Variants in ASAH1 observed in about 807,000 individuals in gnomAD.
The protein encoded by ASAH1 is N-acylsphingosine amidohydrolase 1.
ASAH1 carries 70 observed loss-of-function variants against 59.5 expected under a neutral mutation model. The observed-to-expected ratio is 1.18, with a 90% confidence interval of 0.97 to 1.43. ASAH1 has a LOEUF of 1.43. Ranked by LOEUF, ASAH1 falls within the 40% of genes most tolerant of loss-of-function variation. The probability of loss-of-function intolerance (pLI) is 0.00; values close to 1 mark genes in which losing one functional copy is unlikely to be tolerated. For missense variants in ASAH1, 660 were observed against 482.5 expected (o/e 1.37, Z -3.45); for synonymous variants, 213 against 166.5 (o/e 1.28, Z -2.15).
intron 5 of ASAH1, 95 bp downstream of exon 5, chr8:18,067,125 A>ATACAGCACCTGTGCTGTATATCTAAGACG: frequency 5.3e-6 from 3 of 567,526 alleles, no homozygotes; most frequent in Non-Finnish European, 4.8e-6. Flanking sequence ...TATCTAAGAC[A>ATACAGCACCTGTGCTGTATATCTAAGACG]TACAGCACCT....
chr8:18,074,154 T>C (rs1198734164), intron 2 of ASAH1, among the ~76,000 whole-genome samples: 2 of 152,184 alleles, frequency 1.3e-5, no homozygotes, highest in Non-Finnish European at 2.9e-5. Context: ...TCATTAAATG[T>C]TCAATGAATT....
At chr8:18,061,927 G>A (rs895001692) in intron 8 of ASAH1, 187 bp from the exon 9 acceptor site, 3 of 667,630 alleles carry the variant, frequency 4.5e-6, no homozygotes, top group Admixed American at 2.5e-5. Flanking sequence ...TGTGAGATAA[G>A]TAGGTGGGGT....
At chr8:18,084,789 T>C (rs765791144), upstream of ASAH1, 6 of 1,613,480 alleles carry the variant, frequency 3.7e-6, no homozygotes, top group South Asian at 4.4e-5. Flanking sequence ...CCCAGCCCGA[T>C]GCAGCAGTTC....
intron 1 of ASAH1, among the ~76,000 whole-genome samples, chr8:18,080,622 A>G (rs1441126194): frequency 1.3e-5 from 2 of 152,100 alleles, no homozygotes; most frequent in African/African-American, 4.8e-5. Context: ...CAATGGCAGG[A>G]TCTTGGCTCA....
At chr8:18,076,021 C>A (rs1800388512) in intron 1 of ASAH1, 1 of 249,666 alleles carries the variant, frequency 4.0e-6, no homozygotes. Flanking sequence ...CAGCACAGGG[C>A]CCTTCATCAT....
chr8:18,075,861 T>G, intron 1 of ASAH1: 1 of 478,968 alleles, frequency 2.1e-6, no homozygotes. Context: ...CGAACAAATG[T>G]AACAAAGTAG....
intron 2 of ASAH1, among the ~76,000 whole-genome samples, chr8:18,073,788 T>C (rs1274734706): frequency 6.6e-6 from 1 of 152,122 alleles, no homozygotes; most frequent in African/African-American, 2.4e-5. Context: ...ATCTCCTAAA[T>C]CTCAAGATCC....
At position 18,063,298 on chromosome 8, in the gene ASAH1, A is replaced by G. The variant is rs7824644; in HGVS notation, c.458-68T>C. The G allele has an allele frequency of 0.57, 787,269 of 1,386,120 alleles. 238,838 individuals are homozygous for G. The highest frequency in any genetic ancestry group is 0.64 in the Non-Finnish European group (626,888 of 975,462). The allele number at this position is 1,386,120 out of a possible 1,614,324, so 85.9% of individuals were successfully genotyped here. A position where few individuals can be genotyped will look rare whatever the true frequency, so the allele number is the denominator to read the frequency against. ...ATTCTAAATCAAAGCTGGACAATTAATTTTGATTAATTAATTTATTTTTGA... is the reference window on the plus strand; with the variant it reads ...ATTCTAAATCAAAGCTGGACAATTAGTTTTGATTAATTAATTTATTTTTGA... On this transcript the variant is annotated intron_variant, in intron 6 of 13. Transcript: ENST00000637790.
intron 1 of ASAH1, among the ~76,000 whole-genome samples, chr8:18,077,906 T>A (rs949140380): frequency 2.0e-5 from 3 of 152,200 alleles, no homozygotes; most frequent in Non-Finnish European, 4.4e-5. Flanking sequence ...TTGGGAATAC[T>A]GTGATGGGTA....
intron 3 of ASAH1, among the ~76,000 whole-genome samples, chr8:18,070,967 G>T (rs973034699): frequency 2.6e-5 from 4 of 152,140 alleles, no homozygotes; most frequent in Admixed American, 6.5e-5. Flanking sequence ...CAGCACTTTG[G>T]GAGGCTGAGG....
intron 10 of ASAH1, chr8:18,059,954 T>A (rs555824613): frequency 4.1e-4 from 162 of 397,670 alleles, no homozygotes; most frequent in Admixed American, 2.3e-3. Context: ...TGACAGGCCC[T>A]GGTGCGTGAT....
At position 18,062,392 on chromosome 8, in the gene ASAH1, T is replaced by A; in HGVS notation, c.535A>T (p.Thr179Ser). Residue 179 changes from threonine (T) to serine (S), a missense_variant, in exon 8 of 14, where the codon ACT (threonine) becomes TCT (serine). By Grantham distance (58) the Thr-to-Ser change is moderately conservative (BLOSUM62 1). Coordinates refer to ENST00000637790, the MANE Select transcript of ASAH1 (RefSeq NM_177924.5). The part of the protein sequence containing the change: ...WNINNDTWVI[T>S]EQLKPLTVNL... ...ACTGTTAAAGGTTTTAGTTGCTCAG[T>A]TATGACCCAGGTATCATTATTTATG... 1 of 1,614,204 alleles carries A rather than the reference T, an allele frequency of 6.2e-7. No individual in the cohort carries two copies. The highest frequency in any genetic ancestry group is 2.2e-5 in the East Asian group (1 of 44,878).
rs1589011666 is a variant in ASAH1, at chr8:18,083,878, A to T, written c.78+103T>A. On this transcript the variant is annotated intron_variant, in intron 1 of 13. Coordinates refer to ENST00000637790, the MANE Select transcript of ASAH1 (RefSeq NM_177924.5). The stretch of plus-strand genomic sequence containing the variant: ...ACAGACCCCCGTAAAGAAGCTGCCC[A>T]GCACGAGGTGTTCCTTGTACCCGCT... 3 of 1,529,830 alleles carry T rather than the reference A, an allele frequency of 2.0e-6. No homozygotes were observed. In the South Asian group the frequency reaches 3.6e-5, roughly 18 times the overall value. The allele number at this position is 1,529,830 out of a possible 1,614,324, so 94.8% of individuals were successfully genotyped here.
In ASAH1 at chr8:18,056,891, T is replaced by C. The variant is rs995112989; in HGVS notation, c.*643A>G. On this transcript the variant is annotated 3_prime_UTR_variant, in exon 14 of 14. Transcript: ENST00000637790. Reference sequence around the variant, plus strand: ...AACACTTCAATTATTGTATAAAAGATTGCTTTGCATACTGATTACTTCTTG... The same window carrying C: ...AACACTTCAATTATTGTATAAAAGACTGCTTTGCATACTGATTACTTCTTG... 6.6e-6 allele frequency: 1 copy of C among 152,286 alleles called. No individual in the cohort carries two copies. Among genetic ancestry groups the C allele is most frequent in the Non-Finnish European group, 1.5e-5 (1 of 68,108 alleles). 9.4% of individuals were successfully genotyped at this position (152,286 alleles called of 1,614,324 possible).
rs1184421224 is a variant in ASAH1, at chr8:18,059,331, G to C, written c.1041+10C>G. On this transcript the variant is annotated intron_variant, in intron 12 of 13. Transcript: ENST00000637790. Reference sequence around the variant, plus strand: ...ACAGTTTCTTTCTATAGATGACCCTGCAAAGGTACCTCTTGGCTGGTGCGG... The same window carrying C: ...ACAGTTTCTTTCTATAGATGACCCTCCAAAGGTACCTCTTGGCTGGTGCGG... 2 of 1,614,166 alleles carry C rather than the reference G, an allele frequency of 1.2e-6. No individual in the cohort carries two copies. The highest frequency in any genetic ancestry group is 2.2e-5 in the South Asian group (2 of 91,090).
At chr8:18,063,433 A>T in intron 6 of ASAH1, 1 of 545,244 alleles carries the variant, frequency 1.8e-6, no homozygotes, top group Non-Finnish European at 3.3e-6. Flanking sequence ...CCTTCCACGT[A>T]GTTGGGATTA....
At chr8:18,058,753 GA>G in intron 13 of ASAH1, 81 bp downstream of exon 13, 1 of 1,279,756 alleles carries the variant, frequency 7.8e-7, no homozygotes, top group Admixed American at 1.7e-5. Flanking sequence ...TGCTCAAACT[GA>G]TCAAAGATAA....
intron 10 of ASAH1, chr8:18,060,152 G>GTTAT (rs1564536350): frequency 5.9e-6 from 1 of 169,914 alleles, no homozygotes; most frequent in Non-Finnish European, 1.3e-5. Flanking sequence ...TAAGGAATGT[G>GTTAT]TTATTTATTT....
chr8:18,065,797 CA>C (rs1257537198), intron 5 of ASAH1: 2 of 151,278 alleles, frequency 1.3e-5, no homozygotes, highest in African/African-American at 4.9e-5. Context: ...TAAGGGAAGA[CA>C]AAAAGACAAA....
Sources: gnomAD v4.1 joint callset for allele counts (sites outside exome capture counted in the v4.1 genomes callset) on GRCh38, gnomAD v4.1.1 for gene constraint, MANE v1.5 for transcripts, NCBI Gene and HGNC (gene_info 2026-07-23, HGNC 2026-07-21) for gene names.